LTBP2: variants seen among roughly 807,000 people sequenced by gnomAD.
LTBP2 encodes latent-transforming growth factor beta-binding protein 2.
Under a neutral mutation model 210.6 loss-of-function variants are expected in LTBP2, and 103 were observed. The ratio of observed to expected loss-of-function variants is 0.49; its 90% CI spans 0.42 to 0.58. LTBP2 has a LOEUF of 0.58. Ranked by LOEUF, LTBP2 falls within the 20% of genes least tolerant of loss-of-function variation. LTBP2 has a pLI of 0.00. For missense variants in LTBP2, 2,313 were observed against 2,494.5 expected (o/e 0.93, Z 1.55); for synonymous variants, 1,007 against 1,015.0 (o/e 0.99, Z 0.15).
At position 74,501,297 on chromosome 14, in the gene LTBP2, C is replaced by T. The variant is rs77015988; in HGVS notation, c.5320+144G>A. On this transcript the variant is annotated intron_variant, in intron 35 of 35. Transcript: ENST00000261978. The stretch of plus-strand genomic sequence containing the variant: ...GGGCTTTCTAAAGCACATAATTAAA[C>T]CTTCCTTTGGCGCTTTCTTCCCTTC... The T allele has an allele frequency of 1.6e-3, 2,118 of 1,335,340 alleles. 32 individuals carry two copies. The African/African-American group carries it at 0.026, about 16-fold the overall frequency. 82.7% of individuals were successfully genotyped at this position (1,335,340 alleles called of 1,614,324 possible). A position where few individuals can be genotyped will look rare whatever the true frequency, so the allele number is the denominator to read the frequency against.
chr14:74,552,478 C>G (rs1057138687), intron 5 of LTBP2, 85 bp from the exon 6 acceptor site: 1 of 1,285,908 alleles, frequency 7.8e-7, no homozygotes, highest in Non-Finnish European at 1.1e-6. Flanking sequence ...GAGAAACAGG[C>G]GGCAGAACCC....
chr14:74,539,710 T>TGAGAGG (rs1015190201), intron 8 of LTBP2, among the ~76,000 whole-genome samples: 5 of 148,268 alleles, frequency 3.4e-5, no homozygotes, highest in Middle Eastern at 3.2e-3. Context: ...AGACGGAGAC[T>TGAGAGG]GAGAGGGAGA....
Position 74,551,182 on chromosome 14 carries a change from A to G in LTBP2, c.1568T>C (p.Leu523Pro). 6.2e-7 allele frequency: 1 copy of G among 1,613,888 alleles called. No individual in the cohort carries two copies. Among genetic ancestry groups the G allele is most frequent in the Middle Eastern group, 1.6e-4 (1 of 6,062 alleles). ...AGCAGGGATGTTGTTGCTGTCCCAG[A>G]GGCTGTGGCCAGGGCTGGCAGGCAG... Reference protein sequence around the residue: ...PWLPASPGHSLWDSNNIPARS... With the variant: ...PWLPASPGHSPWDSNNIPARS... Residue 523 changes from leucine to proline, a missense_variant, in exon 7 of 36, where the codon CTC becomes CCC. By Grantham distance (98) the Leu-to-Pro change is moderately conservative. Around this residue, in one of 3 missense-constraint regions of LTBP2, gnomAD observed 1,867 missense variants for 1,976.9 expected, o/e 0.94. Coordinates refer to ENST00000261978, the MANE Select transcript of LTBP2 (RefSeq NM_000428.3).
In LTBP2 at chr14:74,535,857, C is replaced by T. The variant is rs548278292; in HGVS notation, c.1864+69G>A. On this transcript the variant is annotated intron_variant, in intron 9 of 35. Transcript: ENST00000261978. ...GAGACCACTCGGCCAGTGACAGACA[C>T]CCCTCCTGTCTGGTGCTGGGAGTGT... is the stretch of plus-strand genomic sequence containing the variant. 13 of 1,385,844 alleles carry T rather than the reference C, an allele frequency of 9.4e-6. No individual in the cohort carries two copies. In the African/African-American group the frequency reaches 1.7e-4, roughly 18 times the overall value. The allele number at this position is 1,385,844 out of a possible 1,614,324, so 85.8% of individuals were successfully genotyped here. A position where few individuals can be genotyped will look rare whatever the true frequency, so the allele number is the denominator to read the frequency against.
At chr14:74,579,598 C>T (rs906303784) in intron 3 of LTBP2, among the ~76,000 whole-genome samples, 2 of 152,240 alleles carry the variant, frequency 1.3e-5, no homozygotes, top group Non-Finnish European at 2.9e-5. Context: ...TGACCACCCA[C>T]ATGCAGGCAC....
chr14:74,508,522 G>A (rs774996482), intron 24 of LTBP2, 82 bp downstream of exon 24: 86 of 1,548,254 alleles, frequency 5.6e-5, no homozygotes, highest in Middle Eastern at 2.2e-4. Flanking sequence ...AGCCTGTAGC[G>A]CCCATGCTCC....
intron 7 of LTBP2, 79 bp from the exon 8 acceptor site, chr14:74,550,044 T>C (rs1047076590): frequency 1.5e-5 from 14 of 954,612 alleles, no homozygotes; most frequent in African/African-American, 1.4e-4. Flanking sequence ...CGGGAAAGCC[T>C]AGGACACAGA....
In LTBP2 at chr14:74,612,017, CGG is replaced by C; in HGVS notation, c.-75_-74del. Reference sequence around the variant, plus strand: ...TTGTGGTCGGCACGCTGGACGCCCGCGGGCTGTTCTCCCGGCCCCGCCCGGCG... The same window carrying C: ...TTGTGGTCGGCACGCTGGACGCCCGCGCTGTTCTCCCGGCCCCGCCCGGCG... On this transcript the variant is annotated 5_prime_UTR_variant, in exon 1 of 36. Transcript: ENST00000261978. 1 of 1,403,068 alleles carries C rather than the reference CGG, an allele frequency of 7.1e-7. No individual in the cohort carries two copies. Among genetic ancestry groups the C allele is most frequent in the Non-Finnish European group, 9.3e-7 (1 of 1,081,052 alleles). The allele number at this position is 1,403,068 out of a possible 1,614,324, so 86.9% of individuals were successfully genotyped here.
intron 19 of LTBP2, among the ~76,000 whole-genome samples, chr14:74,510,825 C>T (rs549249161): frequency 2.6e-4 from 40 of 152,350 alleles, no homozygotes; most frequent in African/African-American, 9.1e-4. Flanking sequence ...GACCTGCTGC[C>T]CTTCTGAGGG....
intron 2 of LTBP2, among the ~76,000 whole-genome samples, chr14:74,588,448 C>A (rs778961462): frequency 5.9e-5 from 9 of 152,004 alleles, no homozygotes; most frequent in Non-Finnish European, 1.2e-4. Context: ...CTGAAACTCC[C>A]GACCTCAGGT....
At chr14:74,538,774 G>A (rs2087454553) in intron 8 of LTBP2, among the ~76,000 whole-genome samples, 1 of 152,208 alleles carries the variant, frequency 6.6e-6, no homozygotes, top group Non-Finnish European at 1.5e-5. Flanking sequence ...TTTCCTGCCA[G>A]GACTGGCCCG....
chr14:74,543,187 G>T (rs563180544), intron 8 of LTBP2, among the ~76,000 whole-genome samples: 39 of 151,946 alleles, frequency 2.6e-4, no homozygotes, highest in Admixed American at 5.2e-4. Context: ...GACCATCCCA[G>T]CTAACACGGT....
Position 74,570,699 on chromosome 14 carries a change from G to A in LTBP2, c.831-15006C>T, listed in dbSNP as rs948185933. Among the ~76,000 whole-genome samples, 6 of 152,270 alleles carry A rather than the reference G, an allele frequency of 3.9e-5. No individual in the cohort carries two copies. The East Asian group carries it at 1.2e-3, about 29-fold the overall frequency. On this transcript the variant is annotated intron_variant, in intron 3 of 35. Transcript: ENST00000261978. ...GAACTAGTGTCCCCATTTTACAGAA[G>A]AGAAAACTGAAGCACAGGGAGCCTG... is the stretch of plus-strand genomic sequence containing the variant.
intron 28 of LTBP2, among the ~76,000 whole-genome samples, chr14:74,505,580 C>T (rs997834125): frequency 2.6e-5 from 4 of 151,836 alleles, no homozygotes; most frequent in South Asian, 2.1e-4. Context: ...CACCCTTCCT[C>T]GTCTCCCTCA....
chr14:74,552,903 C>A lies in LTBP2; in HGVS notation c.1181G>T (p.Gly394Val). 6.2e-7 allele frequency: 1 copy of A among 1,612,954 alleles called. No homozygotes were observed. Among genetic ancestry groups the A allele is most frequent in the East Asian group, 2.2e-5 (1 of 44,844 alleles). Residue 394 changes from glycine (G) to valine (V), a missense_variant, in exon 5 of 36, where the codon GGC (glycine) becomes GTC (valine). By Grantham distance (109) the Gly-to-Val change is moderately radical (BLOSUM62 -3). Around this residue, in one of 3 missense-constraint regions of LTBP2, gnomAD observed 1,867 missense variants for 1,976.9 expected, o/e 0.94. Coordinates refer to ENST00000261978, the MANE Select transcript of LTBP2 (RefSeq NM_000428.3). The stretch of plus-strand genomic sequence containing the variant: ...GGAAAGGGACTCACAGATGCGGAAG[C>A]CAGACTTGGGATCGTGCCCATGGCC... ...QGGHGHDPKS[G>V]FRIYFCQIPC...
At position 74,612,041 on chromosome 14, in the gene LTBP2, G is replaced by A. The variant is rs886050763; in HGVS notation, c.-97C>T. ...GCGGGCTGTTCTCCCGGCCCCGCCCGGCGGCCAGCTTCTCTGAGTCTAGGG... is the reference window on the plus strand; with the variant it reads ...GCGGGCTGTTCTCCCGGCCCCGCCCAGCGGCCAGCTTCTCTGAGTCTAGGG... On this transcript the variant is annotated 5_prime_UTR_variant, in exon 1 of 36. Coordinates refer to ENST00000261978, the MANE Select transcript of LTBP2 (RefSeq NM_000428.3). 1.5e-6 allele frequency: 2 copies of A among 1,326,210 alleles called. No individual in the cohort carries two copies. The highest frequency in any genetic ancestry group is 3.3e-5 in the South Asian group (2 of 60,756). The allele number at this position is 1,326,210 out of a possible 1,614,324, so 82.2% of individuals were successfully genotyped here. A position where few individuals can be genotyped will look rare whatever the true frequency, so the allele number is the denominator to read the frequency against.
chr14:74,579,105 C>T (rs941587803), intron 3 of LTBP2, among the ~76,000 whole-genome samples: 1 of 152,184 alleles, frequency 6.6e-6, no homozygotes, highest in Non-Finnish European at 1.5e-5. Context: ...GATCCACCCA[C>T]CTCTGCCTCC....
intron 3 of LTBP2, among the ~76,000 whole-genome samples, chr14:74,570,390 C>T (rs576236906): frequency 6.6e-6 from 1 of 152,178 alleles, no homozygotes; most frequent in African/African-American, 2.4e-5. Context: ...GGGCCTGCCC[C>T]GACAAGCACA....
At position 74,555,504 on chromosome 14, in the gene LTBP2, C is replaced by A; in HGVS notation, c.1020G>T (p.Trp340Cys). The change falls in exon 4 of 36, where the codon TGG becomes TGT. Residue 340 changes from tryptophan (W) to cysteine (C), a missense_variant and splice_region_variant. This residue lies in a region of LTBP2 where 1,867 missense variants were observed against 1,976.9 expected (regional missense o/e 0.94). Coordinates refer to ENST00000261978, the MANE Select transcript of LTBP2 (RefSeq NM_000428.3). The part of the protein sequence containing the change: ...AVPLEHPSSP[W>C]GLNLTEKIKK... ...GGACCCAAGACAGGGTATCCTTACC[C>A]CAGGGGGATGAGGGGTGCTCCAGAG... The A allele has an allele frequency of 6.2e-7, 1 of 1,613,596 alleles. No individual in the cohort carries two copies. Among genetic ancestry groups the A allele is most frequent in the Non-Finnish European group, 8.5e-7 (1 of 1,179,738 alleles).
Sources: allele counts gnomAD v4.1 joint callset (sites outside exome capture counted in the v4.1 genomes callset), GRCh38; gene constraint gnomAD v4.1.1; regional missense constraint gnomAD v4.1.1; transcripts MANE v1.5; gene names NCBI Gene and HGNC (gene_info 2026-07-23, HGNC 2026-07-21).